GON4L: variants seen among roughly 807,000 people sequenced by gnomAD.
GON4L encodes gon-4 like, also known as GON-4-like protein.
In GON4L, 87 loss-of-function variants were observed where a neutral mutation model predicts 211.8. The observed-to-expected ratio is 0.41, with a 90% CI of 0.35 to 0.49. The LOEUF is 0.49. Ranked by LOEUF, GON4L falls within the 20% of genes least tolerant of loss-of-function variation. The pLI is 0.15. For synonymous variants in GON4L, 875 were observed against 962.6 expected (o/e 0.91, Z 1.68); for missense variants, 2,155 against 2,659.5 (o/e 0.81, Z 4.17).
intron 2 of GON4L, among the ~76,000 whole-genome samples, chr1:155,829,182 T>A (rs1325060445): frequency 1.3e-5 from 2 of 152,218 alleles, no homozygotes; most frequent in Admixed American, 6.5e-5. Context: ...AATAGAATTT[T>A]ACTTGTTCTT....
intron 10 of GON4L, among the ~76,000 whole-genome samples, chr1:155,806,020 C>T (rs1201325092): frequency 7.0e-6 from 1 of 143,418 alleles, no homozygotes; most frequent in African/African-American, 2.6e-5. Flanking sequence ...GATAGAGTCT[C>T]AATCTCTCAC....
chr1:155,856,348 C>T (rs1672278092), intron 1 of GON4L, among the ~76,000 whole-genome samples: 1 of 152,060 alleles, frequency 6.6e-6, no homozygotes, highest in Admixed American at 6.5e-5. Context: ...TGGCCTCGGC[C>T]TCCCGAGTAG....
At chr1:155,817,435 G>A (rs1259710880) in intron 6 of GON4L, among the ~76,000 whole-genome samples, 1 of 152,142 alleles carries the variant, frequency 6.6e-6, no homozygotes, top group Non-Finnish European at 1.5e-5. Context: ...TCTCTAAAAG[G>A]AGTCTTAGCT....
intron 27 of GON4L, chr1:155,756,659 TC>T: frequency 3.1e-6 from 1 of 318,408 alleles, no homozygotes; most frequent in Non-Finnish European, 6.0e-6. Context: ...GCGTAGTGGC[TC>T]ACACTTGTAA....
intron 3 of GON4L, among the ~76,000 whole-genome samples, chr1:155,826,566 C>CA (rs58848983): frequency 0.16 from 10,184 of 63,540 alleles, 1,263 homozygotes; most frequent in East Asian, 0.69. Context: ...AACTCCGTCT[C>CA]AAAAAAAAAA....
At position 155,765,873 on chromosome 1, in the gene GON4L, G is replaced by A. The variant is rs1662404385; in HGVS notation, c.3600C>T (p.Ala1200=). 1 of 1,614,098 alleles carries A rather than the reference G, an allele frequency of 6.2e-7. No individual in the cohort carries two copies. The highest frequency in any genetic ancestry group is 1.3e-5 in the African/African-American group (1 of 74,926). Residue 1200 remains alanine, a synonymous_variant, in exon 21 of 32, where the codon GCC becomes GCT. Coordinates refer to ENST00000368331, the MANE Select transcript of GON4L (RefSeq NM_001282860.2). ...AAACAATTAAGGGTGAGACAGAGGA[G>A]GCCACAAGGGACTGGTTCAATGGAC... ...FPCPLNQSLV[A]SSVSPLIVSG...
At position 155,853,297 on chromosome 1, in the gene GON4L, C is replaced by T. The variant is rs1477199479; in HGVS notation, c.484G>A (p.Glu162Lys). The T allele has an allele frequency of 6.2e-7, 1 of 1,613,996 alleles. No homozygotes were observed. The highest frequency in any genetic ancestry group is 8.5e-7 in the Non-Finnish European group (1 of 1,179,864). Residue 162 changes from glutamate to lysine, a missense_variant, in exon 2 of 32, where the codon GAA becomes AAA. Glu to Lys is a moderately conservative substitution (Grantham distance 56). Around this residue, in one of 6 missense-constraint regions of GON4L, gnomAD observed 313 missense variants for 293.2 expected, o/e 1.07. Transcript: ENST00000368331. ...TTACCTCCTTCTTCCTTGACTTCTTCACTAGGCTCTCCTGAAAAAGGCTCC... is the reference window on the plus strand; with the variant it reads ...TTACCTCCTTCTTCCTTGACTTCTTTACTAGGCTCTCCTGAAAAAGGCTCC... The part of the protein sequence containing the change: ...LKEPFSGEPS[E>K]EVKEEGGKPQ...
rs371318225 is a variant in GON4L at position 155,815,880 on chromosome 1, G to T, written c.1086C>A (p.Ile362=). 8.8e-6 allele frequency: 14 copies of T among 1,598,710 alleles called. No individual in the cohort carries two copies. Among genetic ancestry groups the T allele is most frequent in the African/African-American group, 1.3e-5 (1 of 74,482 alleles). ...CTGAGGAATCATCTTCTTCAAGGTG[G>T]ATATCCACAAACTGAGGAGGCTACA... ...NEIKPPQFVD[I]HLEEDDSSDE... The change falls in exon 8 of 32, where the codon ATC becomes ATA. Residue 362 remains isoleucine (I), a synonymous_variant. Coordinates refer to ENST00000368331, the MANE Select transcript of GON4L (RefSeq NM_001282860.2).
chr1:155,793,263 T>A (rs1049060282), intron 12 of GON4L, among the ~76,000 whole-genome samples: 4 of 152,200 alleles, frequency 2.6e-5, no homozygotes, highest in Admixed American at 6.6e-5. Flanking sequence ...AAATGAAAGA[T>A]CTTCACAAAG....
At position 155,795,246 on chromosome 1, in the gene GON4L, A is replaced by G; in HGVS notation, c.1646-95T>C. The G allele has an allele frequency of 5.0e-6, 4 of 795,542 alleles. No individual in the cohort carries two copies. The South Asian group carries it at 5.5e-5, about 11-fold the overall frequency. The allele number at this position is 795,542 out of a possible 1,614,324, so 49.3% of individuals were successfully genotyped here. A position where few individuals can be genotyped will look rare whatever the true frequency, so the allele number is the denominator to read the frequency against. On this transcript the variant is annotated intron_variant, in intron 11 of 31. Transcript: ENST00000368331. ...AGCACATTTATTCTTTATTTTTTTG[A>G]GACAGGGTCTCACTCTGTCGCCCAG...
intron 17 of GON4L, among the ~76,000 whole-genome samples, chr1:155,773,773 G>A (rs1195583639): frequency 6.6e-6 from 1 of 152,060 alleles, no homozygotes; most frequent in African/African-American, 2.4e-5. Context: ...TCACTTTCAG[G>A]CACCTCTGCA....
chr1:155,799,123 C>T (rs756269206), intron 11 of GON4L, among the ~76,000 whole-genome samples: 43 of 152,156 alleles, frequency 2.8e-4, no homozygotes, highest in Admixed American at 9.2e-4. Context: ...AAAAATCTGT[C>T]CGAATAGGCA....
intron 12 of GON4L, among the ~76,000 whole-genome samples, chr1:155,788,079 C>T (rs1665143162): frequency 6.6e-6 from 1 of 152,182 alleles, no homozygotes. Context: ...GCAACCTCCA[C>T]CTTCCGGCTT....
chr1:155,781,896 A>G (rs1221542922), intron 14 of GON4L, among the ~76,000 whole-genome samples: 1 of 152,126 alleles, frequency 6.6e-6, no homozygotes, highest in Non-Finnish European at 1.5e-5. Context: ...AGCTGGGATT[A>G]CAGGCGTGTG....
At chr1:155,856,848 G>A (rs1672334490) in intron 1 of GON4L, among the ~76,000 whole-genome samples, 1 of 152,234 alleles carries the variant, frequency 6.6e-6, no homozygotes, top group Non-Finnish European at 1.5e-5. Context: ...TAGCTCGACA[G>A]AATCCACTTT....
chr1:155,829,498 C>T (rs1352412706), intron 2 of GON4L, among the ~76,000 whole-genome samples: 3 of 152,066 alleles, frequency 2.0e-5, no homozygotes, highest in African/African-American at 7.2e-5. Context: ...CCCAGCTATT[C>T]AACAGGCACG....
chr1:155,767,558 T>A lies in GON4L; in HGVS notation c.2647-17A>T, dbSNP rs1190340123. The A allele has an allele frequency of 6.2e-7, 1 of 1,601,778 alleles. No homozygotes were observed. The highest frequency in any genetic ancestry group is 1.7e-5 in the Admixed American group (1 of 59,262). Reference sequence around the variant, plus strand: ...CTTATAAAACTTAACATGAAAAAAATGCGCATGAATTACATTCCTTCTGGA... The same window carrying A: ...CTTATAAAACTTAACATGAAAAAAAAGCGCATGAATTACATTCCTTCTGGA... On this transcript the variant is annotated splice_polypyrimidine_tract_variant and intron_variant, in intron 19 of 31. Coordinates refer to ENST00000368331, the MANE Select transcript of GON4L (RefSeq NM_001282860.2).
Position 155,765,401 on chromosome 1 carries a change from T to C in GON4L, c.4072A>G (p.Thr1358Ala). 6.2e-7 allele frequency: 1 copy of C among 1,614,156 alleles called. No individual in the cohort carries two copies. The highest frequency in any genetic ancestry group is 8.5e-7 in the Non-Finnish European group (1 of 1,180,012). ...CTCAACTCCTCGCTTGGGGCACCAG[T>C]GTCCAATTCCACAGCATGTTCCACT... The part of the protein sequence containing the change: ...IKVEHAVELD[T>A]GAPSEELSSA... The change falls in exon 21 of 32, where the codon ACT becomes GCT. Residue 1358 changes from threonine to alanine, a missense_variant. Around this residue, in one of 6 missense-constraint regions of GON4L, gnomAD observed 615 missense variants for 625.7 expected, o/e 0.98. Transcript: ENST00000368331.
intron 10 of GON4L, among the ~76,000 whole-genome samples, chr1:155,805,746 G>A (rs1004490264): frequency 1.7e-4 from 25 of 151,262 alleles, no homozygotes; most frequent in Non-Finnish European, 3.1e-4. Context: ...CTAGAATGCA[G>A]TGGTGCCATC....
Sources: allele counts gnomAD v4.1 joint callset (sites outside exome capture counted in the v4.1 genomes callset), GRCh38; gene constraint gnomAD v4.1.1; regional missense constraint gnomAD v4.1.1; transcripts MANE v1.5; gene names NCBI Gene and HGNC (gene_info 2026-07-23, HGNC 2026-07-21).